FMNL3: variants seen among roughly 807,000 people sequenced by gnomAD.
FMNL3 encodes the protein formin-like protein 3.
In FMNL3, 57 loss-of-function variants were observed where a neutral mutation model predicts 119.6. The observed-to-expected ratio is 0.48, with a 90% CI of 0.39 to 0.59. FMNL3 has a LOEUF of 0.59. Ranked by LOEUF, FMNL3 falls within the 20% of genes least tolerant of loss-of-function variation. The pLI is 0.00. For missense variants in FMNL3, 1,053 were observed against 1,323.5 expected (o/e 0.80, Z 3.17); for synonymous variants, 491 against 507.3 (o/e 0.97, Z 0.43).
At chr12:49,654,156 A>C in intron 11 of FMNL3, 36 bp downstream of exon 11, 1 of 1,577,908 alleles carries the variant, frequency 6.3e-7, no homozygotes, top group Non-Finnish European at 8.7e-7. Flanking sequence ...ACTGATCCCA[A>C]AGCACCTCAC....
In FMNL3 at chr12:49,707,197, C is replaced by T. The variant is rs1400995371; in HGVS notation, c.-17G>A. The stretch of plus-strand genomic sequence containing the variant: ...GTTGCCCATCGCGGCGGGGCCCCCT[C>T]AGGGGCCTCGGCCCCCCACCTCCAC... On this transcript the variant is annotated 5_prime_UTR_variant, in exon 1 of 26. Coordinates refer to ENST00000335154, the MANE Select transcript of FMNL3 (RefSeq NM_175736.5). 1 of 1,510,862 alleles carries T rather than the reference C, an allele frequency of 6.6e-7. No individual in the cohort carries two copies. Among genetic ancestry groups the T allele is most frequent in the Non-Finnish European group, 8.8e-7 (1 of 1,135,200 alleles). The allele number at this position is 1,510,862 out of a possible 1,614,324, so 93.6% of individuals were successfully genotyped here. A position where few individuals can be genotyped will look rare whatever the true frequency, so the allele number is the denominator to read the frequency against.
rs1361769020 is a variant in FMNL3 at position 49,657,210 on chromosome 12, A to G, written c.606-20T>C. 21 of 1,591,226 alleles carry G rather than the reference A, an allele frequency of 1.3e-5. No individual in the cohort carries two copies. The highest frequency in any genetic ancestry group is 1.7e-5 in the Non-Finnish European group (20 of 1,159,372). On this transcript the variant is annotated intron_variant, in intron 6 of 25. Transcript: ENST00000335154. ...CTATACCTGGGGAGATGGGCCAGGC[A>G]GTCAGGTGGGAGCTGAGGCTGCCAG... is the stretch of plus-strand genomic sequence containing the variant.
In FMNL3 at chr12:49,665,153, A is replaced by G. The variant is rs546836314; in HGVS notation, c.368+679T>C. Among the ~76,000 whole-genome samples, 3 of 151,962 alleles carry G rather than the reference A, an allele frequency of 2.0e-5. No homozygotes were observed. In the South Asian group the frequency reaches 6.2e-4, roughly 32 times the overall value. The stretch of plus-strand genomic sequence containing the variant: ...TTACAGTTTCGTAACACTGAGGCCA[A>G]TACCCTCTTTCACTGTACCTTACAC... On this transcript the variant is annotated intron_variant, in intron 4 of 25. Coordinates refer to ENST00000335154, the MANE Select transcript of FMNL3 (RefSeq NM_175736.5).
In FMNL3 at chr12:49,649,548, AATATGAACACT is replaced by A. The variant is rs768768849; in HGVS notation, c.2236-21_2236-11del. 41 of 1,614,186 alleles carry A rather than the reference AATATGAACACT, an allele frequency of 2.5e-5. No individual in the cohort carries two copies. In the South Asian group the frequency reaches 4.2e-4, roughly 16 times the overall value. On this transcript the variant is annotated splice_polypyrimidine_tract_variant and intron_variant, in intron 18 of 25. Coordinates refer to ENST00000335154, the MANE Select transcript of FMNL3 (RefSeq NM_175736.5). The surrounding 1 kb of genome is among the most constrained non-coding windows in gnomAD (Gnocchi z 5.6). ...TGATGGCATTGAGTTGCTGTAGGAC[AATATGAACACT>A]GAAGTAACCCCAGGCTGAGATGGGG...
At chr12:49,666,387 T>C (rs1019206484) in intron 2 of FMNL3, among the ~76,000 whole-genome samples, 180 bp from the exon 3 acceptor site, 3 of 152,202 alleles carry the variant, frequency 2.0e-5, no homozygotes, top group African/African-American at 7.2e-5. Context: ...CCCCAGGTGT[T>C]ACCACCTGTT....
chr12:49,677,950 C>A (rs1213362679), intron 1 of FMNL3, among the ~76,000 whole-genome samples: 2 of 152,138 alleles, frequency 1.3e-5, no homozygotes, highest in Non-Finnish European at 2.9e-5. Flanking sequence ...GCAAGCTCTG[C>A]GTCCCAGGTT....
In FMNL3 at chr12:49,698,871, G is replaced by A. The variant is rs569208231; in HGVS notation, c.126+8184C>T. Reference sequence around the variant, plus strand: ...TAGCTGCCCAGCTCAGTTCTATTCTGGAATCCACTTCACTTCTCTATGAAT... The same window carrying A: ...TAGCTGCCCAGCTCAGTTCTATTCTAGAATCCACTTCACTTCTCTATGAAT... On this transcript the variant is annotated intron_variant, in intron 1 of 25. Transcript: ENST00000335154. Among the ~76,000 whole-genome samples, 67 of 152,246 alleles carry A rather than the reference G, an allele frequency of 4.4e-4. 1 individual carries two copies. Among genetic ancestry groups the A allele is most frequent in the Admixed American group, 1.2e-3 (19 of 15,294 alleles).
chr12:49,661,989 C>A lies in FMNL3; in HGVS notation c.429G>T (p.Leu143=). ...NKGLDVLVDY[L]SFAQCSVMFD... is the part of the protein sequence containing the mutation. ...ACATGACAGAACACTGGGCAAAGGA[C>A]AGGTAATCCACCAGTACATCCAGGC... is the stretch of plus-strand genomic sequence containing the variant. The change falls in exon 5 of 26, where the codon CTG becomes CTT. Residue 143 remains leucine, a synonymous_variant. Transcript: ENST00000335154. The A allele has an allele frequency of 6.2e-7, 1 of 1,614,186 alleles. No individual in the cohort carries two copies. The highest frequency in any genetic ancestry group is 8.5e-7 in the Non-Finnish European group (1 of 1,180,032).
intron 1 of FMNL3, among the ~76,000 whole-genome samples, chr12:49,704,466 T>C (rs1042682536): frequency 2.6e-5 from 4 of 152,012 alleles, no homozygotes. Flanking sequence ...ATCCCAGCAC[T>C]TTGGGAGGCC....
At chr12:49,675,442 G>A (rs910812732) in intron 1 of FMNL3, among the ~76,000 whole-genome samples, 5 of 152,288 alleles carry the variant, frequency 3.3e-5, no homozygotes, top group Non-Finnish European at 5.9e-5. Context: ...GCCAACCAAC[G>A]ACCTCCCTCT....
rs1943133521 is a variant in FMNL3, at chr12:49,645,272, T to C, written c.*543A>G. The C allele has an allele frequency of 6.6e-6, 1 of 152,166 alleles. No homozygotes were observed. The highest frequency in any genetic ancestry group is 1.5e-5 in the Non-Finnish European group (1 of 68,128). 9.4% of individuals were successfully genotyped at this position (152,166 alleles called of 1,614,324 possible). On this transcript the variant is annotated 3_prime_UTR_variant, in exon 26 of 26. Coordinates refer to ENST00000335154, the MANE Select transcript of FMNL3 (RefSeq NM_175736.5). ...GCCTAGAATGAAATGGGCAGAGAAATAAGGGCAGTGAGCCTGACATCTCTC... is the reference window on the plus strand; with the variant it reads ...GCCTAGAATGAAATGGGCAGAGAAACAAGGGCAGTGAGCCTGACATCTCTC...
At position 49,646,044 on chromosome 12, in the gene FMNL3, T is replaced by C. The variant is rs1011739023; in HGVS notation, c.2996-141A>G. The C allele has an allele frequency of 3.4e-4, 226 of 660,786 alleles. 1 individual carries two copies. The highest frequency in any genetic ancestry group is 3.0e-3 in the South Asian group (151 of 50,306). 40.9% of individuals were successfully genotyped at this position (660,786 alleles called of 1,614,324 possible). On this transcript the variant is annotated intron_variant, in intron 25 of 25. Transcript: ENST00000335154. ...GGAGGCTTAGATAAGGCTTGAGGGG[T>C]ACCCAGTTGGGGAAATTGCTGGTTG...
intron 1 of FMNL3, among the ~76,000 whole-genome samples, chr12:49,701,757 C>T (rs2139060416): frequency 6.6e-6 from 1 of 152,222 alleles, no homozygotes; most frequent in East Asian, 1.9e-4. Context: ...AACCCCGTCT[C>T]TACTAAAAAC....
In FMNL3 at chr12:49,669,188, G is replaced by T. The variant is rs892390717; in HGVS notation, c.127-634C>A. On this transcript the variant is annotated intron_variant, in intron 1 of 25. Transcript: ENST00000335154. ...TAACTGCTTAAATTTTTTTGGAAAA[G>T]AATTTTTAGGCAAAAATTCACAAAA... Among the ~76,000 whole-genome samples, 15 of 152,284 alleles carry T rather than the reference G, an allele frequency of 9.9e-5. No homozygotes were observed. In the South Asian group the frequency reaches 1.9e-3, roughly 19 times the overall value.
chr12:49,659,698 G>A (rs1943677195), intron 5 of FMNL3: 2 of 894,620 alleles, frequency 2.2e-6, no homozygotes, highest in Non-Finnish European at 2.7e-6. Context: ...ACATGTGTGA[G>A]CCACTGCACC....
In FMNL3 at chr12:49,652,116, T is replaced by G; in HGVS notation, c.1420A>C (p.Asn474His). The change falls in exon 14 of 26, where the codon AAT becomes CAT. Residue 474 changes from asparagine (N) to histidine (H), a missense_variant. By Grantham distance (68) the Asn-to-His change is moderately conservative. Transcript: ENST00000335154. ...AFQRRCHLEP[N>H]VRGLESVDSE... is the part of the protein sequence containing the mutation. ...TCCACAGACTCCAGGCCCCGGACATTTGGCTCCAAATGACATCGACGCTGA... is the reference window on the plus strand; with the variant it reads ...TCCACAGACTCCAGGCCCCGGACATGTGGCTCCAAATGACATCGACGCTGA... The G allele has an allele frequency of 3.7e-6, 6 of 1,613,244 alleles. No homozygotes were observed. The highest frequency in any genetic ancestry group is 5.1e-6 in the Non-Finnish European group (6 of 1,179,710).
chr12:49,651,096 C>A (rs1330218216), intron 16 of FMNL3, 72 bp downstream of exon 16: 28 of 1,585,208 alleles, frequency 1.8e-5, no homozygotes, highest in Non-Finnish European at 2.3e-5. Flanking sequence ...TTTTCTAAGA[C>A]CAGAATCTCC....
At chr12:49,702,580 C>T (rs2139064723) in intron 1 of FMNL3, among the ~76,000 whole-genome samples, 1 of 152,238 alleles carries the variant, frequency 6.6e-6, no homozygotes, top group South Asian at 2.1e-4. Context: ...CGCTGAATCT[C>T]CCTCTGGGCA....
chr12:49,685,021 C>G (rs1944422260), intron 1 of FMNL3, among the ~76,000 whole-genome samples: 1 of 152,190 alleles, frequency 6.6e-6, no homozygotes, highest in Admixed American at 6.6e-5. Context: ...GTCTGGGCCT[C>G]ACTTCAGGGC....
Sources: allele counts gnomAD v4.1 joint callset (sites outside exome capture counted in the v4.1 genomes callset), GRCh38; gene constraint gnomAD v4.1.1; non-coding constraint Gnocchi (gnomAD v3.1); transcripts MANE v1.5; gene names NCBI Gene and HGNC (gene_info 2026-07-23, HGNC 2026-07-21).